Variants in PDE3B observed in about 807,000 individuals in gnomAD.
The protein encoded by PDE3B is cGMP-inhibited 3',5'-cyclic phosphodiesterase 3B.
Under a neutral mutation model 116.8 loss-of-function variants are expected in PDE3B, and 66 were observed. That is an observed-to-expected ratio of 0.56 (90% CI 0.46 to 0.69). The LOEUF is 0.69. Among genes scored for constraint, PDE3B ranks in the 30% least tolerant of loss-of-function variants. The pLI is 0.00. For synonymous variants in PDE3B, 595 were observed against 533.6 expected (o/e 1.12, Z -1.59); for missense variants, 1,384 against 1,368.1 (o/e 1.01, Z -0.18).
At chr11:14,802,128 C>G (rs1260975032) in intron 4 of PDE3B, among the ~76,000 whole-genome samples, 1 of 152,120 alleles carries the variant, frequency 6.6e-6, no homozygotes, top group Non-Finnish European at 1.5e-5. Flanking sequence ...GCCCTCTTTC[C>G]GGGGGAGTAT....
chr11:14,808,081 ATCT>A (rs1043253056), intron 5 of PDE3B, among the ~76,000 whole-genome samples: 15 of 151,904 alleles, frequency 9.9e-5, no homozygotes, highest in African/African-American at 3.1e-4. Context: ...AAAAAAAGTA[ATCT>A]TCTGACTGCT....
rs777716920 is a variant in PDE3B at position 14,819,121 on chromosome 11, A to G, written c.1734-15A>G. 43 of 1,493,546 alleles carry G rather than the reference A, an allele frequency of 2.9e-5. No homozygotes were observed. Among genetic ancestry groups the G allele is most frequent in the Non-Finnish European group, 3.7e-5 (40 of 1,076,640 alleles). 92.5% of individuals were successfully genotyped at this position (1,493,546 alleles called of 1,614,324 possible). A position where few individuals can be genotyped will look rare whatever the true frequency, so the allele number is the denominator to read the frequency against. ...CCTCATTTACCGTATATATTTATCT[A>G]TTTTATTCTATAAGCTGTGGACATC... On this transcript the variant is annotated splice_polypyrimidine_tract_variant and intron_variant, in intron 6 of 15. Coordinates refer to ENST00000282096, the MANE Select transcript of PDE3B (RefSeq NM_000922.4).
chr11:14,646,129 T>C (rs1450056434), intron 1 of PDE3B, among the ~76,000 whole-genome samples: 1 of 152,216 alleles, frequency 6.6e-6, no homozygotes, highest in African/African-American at 2.4e-5. Context: ...AGTAAGAGCG[T>C]ACACCCTAGG....
rs1403384670 is a variant in PDE3B, at chr11:14,667,582, G to A, written c.978+22529G>A. Among the ~76,000 whole-genome samples the A allele has an allele frequency of 6.6e-5, 10 of 151,138 alleles. No homozygotes were observed. In the East Asian group the frequency reaches 1.4e-3, roughly 21 times the overall value. ...AAACCATCATTCTCAGCAAACTGTC[G>A]CAAGGACAAAAAACCAAACACTGCA... On this transcript the variant is annotated intron_variant, in intron 1 of 15. Transcript: ENST00000282096.
chr11:14,703,824 T>G (rs961632667), intron 1 of PDE3B, among the ~76,000 whole-genome samples: 2 of 151,628 alleles, frequency 1.3e-5, no homozygotes, highest in African/African-American at 4.8e-5. Flanking sequence ...ATATTTTTCT[T>G]TTTAAAACAC....
intron 1 of PDE3B, among the ~76,000 whole-genome samples, chr11:14,709,170 G>T (rs1221324448): frequency 5.3e-5 from 8 of 152,100 alleles, no homozygotes; most frequent in African/African-American, 1.9e-4. Context: ...GTGCAGAGTG[G>T]TGAGGTAGTT....
chr11:14,890,837 C>G, the PDE3B span: 5 of 984,148 alleles, frequency 5.1e-6, no homozygotes, highest in African/African-American at 8.7e-5. Context: ...CGTGAGCCAC[C>G]GCGCCCGGGC....
chr11:14,768,531 C>T (rs951920703), intron 1 of PDE3B, among the ~76,000 whole-genome samples: 2 of 151,498 alleles, frequency 1.3e-5, no homozygotes, highest in Admixed American at 6.6e-5. Context: ...CATCCATATA[C>T]GATGTAGCTG....
intron 12 of PDE3B, among the ~76,000 whole-genome samples, chr11:14,847,769 C>T (rs954643675): frequency 3.9e-5 from 6 of 152,188 alleles, no homozygotes; most frequent in African/African-American, 1.4e-4. Flanking sequence ...ACACATACAC[C>T]CTCCCAAGAC....
intron 1 of PDE3B, among the ~76,000 whole-genome samples, chr11:14,685,335 C>G (rs1854839007): frequency 6.6e-6 from 1 of 151,992 alleles, no homozygotes; most frequent in Non-Finnish European, 1.5e-5. Context: ...TCCCCCTGCC[C>G]CAGAATGGGA....
intron 1 of PDE3B, among the ~76,000 whole-genome samples, chr11:14,689,301 T>C (rs1397950512): frequency 6.6e-6 from 1 of 152,062 alleles, no homozygotes; most frequent in Admixed American, 6.5e-5. Context: ...GTTATCTAGG[T>C]GGAAAAGACG....
At chr11:14,748,882 TTTTC>T (rs1335091419) in intron 1 of PDE3B, among the ~76,000 whole-genome samples, 8 of 151,312 alleles carry the variant, frequency 5.3e-5, no homozygotes, top group Non-Finnish European at 1.0e-4. Flanking sequence ...AGCCTTTCTC[TTTTC>T]TTTCTTTTTT....
intron 1 of PDE3B, among the ~76,000 whole-genome samples, chr11:14,663,870 TAACAAGGATACCCAGG>T (rs1854025093): frequency 6.6e-6 from 1 of 152,096 alleles, no homozygotes; most frequent in Admixed American, 6.5e-5. Flanking sequence ...GACAGAAAGT[TAACAAGGATACCCAGG>T]AATTGAACTC....
At chr11:14,756,646 G>C (rs1210654725) in intron 1 of PDE3B, among the ~76,000 whole-genome samples, 1 of 152,178 alleles carries the variant, frequency 6.6e-6, no homozygotes, top group Non-Finnish European at 1.5e-5. Context: ...GCGAGTTAGA[G>C]AGTGGATCTG....
intron 1 of PDE3B, among the ~76,000 whole-genome samples, chr11:14,699,959 A>G (rs1189758175): frequency 6.6e-6 from 1 of 151,800 alleles, no homozygotes; most frequent in Non-Finnish European, 1.5e-5. Flanking sequence ...CTTGACAAAT[A>G]CAGTATTGAG....
intron 1 of PDE3B, among the ~76,000 whole-genome samples, chr11:14,744,524 C>T (rs961505342): frequency 2.0e-5 from 3 of 151,952 alleles, no homozygotes; most frequent in Non-Finnish European, 4.4e-5. Context: ...AGTTTATTAC[C>T]AAGTATTTTA....
chr11:14,880,964 C>A, the PDE3B span, among the ~76,000 whole-genome samples: 1 of 152,026 alleles, frequency 6.6e-6, no homozygotes, highest in Non-Finnish European at 1.5e-5. Context: ...TACTCCTTAT[C>A]TGTGGACTGG....
chr11:14,789,382 A>G, intron 4 of PDE3B, 140 bp downstream of exon 4: 1 of 598,044 alleles, frequency 1.7e-6, no homozygotes, highest in Middle Eastern at 4.0e-4. Context: ...TAGTAATAAT[A>G]TGGTAAAATA....
chr11:14,782,312 A>G (rs1858033949), intron 2 of PDE3B, among the ~76,000 whole-genome samples: 2 of 152,232 alleles, frequency 1.3e-5, no homozygotes, highest in South Asian at 4.1e-4. Context: ...GACAATCCTA[A>G]GCCAAAAGAA....
Sources: allele counts gnomAD v4.1 joint callset (sites outside exome capture counted in the v4.1 genomes callset), GRCh38; gene constraint gnomAD v4.1.1; transcripts MANE v1.5; gene names NCBI Gene and HGNC (gene_info 2026-07-23, HGNC 2026-07-21).